Variants in SULT2A1 observed in about 807,000 individuals in gnomAD.
SULT2A1 encodes sulfotransferase family 2A member 1.
A neutral mutation model predicts 33.9 loss-of-function variants in SULT2A1; 43 were observed. The observed-to-expected ratio is 1.27, with a 90% confidence interval of 1.00 to 1.64. The LOEUF (loss-of-function observed/expected upper bound fraction) is 1.64, where lower values mean the gene tolerates loss of function less well. Ranked by LOEUF, SULT2A1 falls within the 40% of genes most tolerant of loss-of-function variation. The pLI, the probability that SULT2A1 is intolerant of heterozygous loss-of-function variation, is 0.00. For synonymous variants in SULT2A1, 125 were observed against 113.6 expected (o/e 1.10, Z -0.64); for missense variants, 300 against 335.1 (o/e 0.90, Z 0.82).
chr19:47,873,770 C>T lies in SULT2A1; in HGVS notation c.745+887G>A, dbSNP rs1473726189. On this transcript the variant is annotated intron_variant, in intron 5 of 5. Coordinates refer to ENST00000222002, the MANE Select transcript of SULT2A1 (RefSeq NM_003167.4). ...TCCCGAGTAGCTGGGACCACAGGCA[C>T]CCGCCACCATGCCCGGCTAATTTTT... is the stretch of plus-strand genomic sequence containing the variant. Among the ~76,000 whole-genome samples, 6 of 151,908 alleles carry T rather than the reference C, an allele frequency of 3.9e-5. No individual in the cohort carries two copies. The East Asian group carries it at 1.2e-3, about 30-fold the overall frequency.
intron 4 of SULT2A1, 66 bp downstream of exon 4, chr19:47,878,970 G>A (rs1278794183): frequency 3.1e-5 from 31 of 1,015,018 alleles, no homozygotes; most frequent in Non-Finnish European, 4.9e-5. Context: ...CGGGATGGAG[G>A]GAATTTAAGG....
In SULT2A1 at chr19:47,874,698, C is replaced by G. The variant is rs1392182520; in HGVS notation, c.704G>C (p.Ser235Thr). ...TGCTTTGTCCACTACATAATCAACA[C>G]TCAGGAGGGAATAATTGGACATCTT... ...ENKMSNYSLLSVDYVVDKAQL... is the reference protein window; with the variant it reads ...ENKMSNYSLLTVDYVVDKAQL... The change falls in exon 5 of 6, where the codon AGT becomes ACT. Residue 235 changes from serine to threonine, a missense_variant. By Grantham distance (58) the Ser-to-Thr change is moderately conservative. Transcript: ENST00000222002. 6.2e-7 allele frequency: 1 copy of G among 1,614,020 alleles called. No individual in the cohort carries two copies. Among genetic ancestry groups the G allele is most frequent in the South Asian group, 1.1e-5 (1 of 91,082 alleles).
chr19:47,881,269 C>G (rs1968600829), intron 3 of SULT2A1, among the ~76,000 whole-genome samples: 1 of 152,116 alleles, frequency 6.6e-6, no homozygotes, highest in Non-Finnish European at 1.5e-5. Context: ...CTCCTGACCC[C>G]AGGTGATCCA....
At chr19:47,880,011 C>T (rs1483371582) in intron 3 of SULT2A1, among the ~76,000 whole-genome samples, 10 of 151,450 alleles carry the variant, frequency 6.6e-5, no homozygotes, top group East Asian at 5.8e-4. Context: ...CCGAGGCGGG[C>T]GGATCACGAG....
chr19:47,883,864 T>C, intron 1 of SULT2A1, 79 bp from the exon 2 acceptor site: 1 of 1,363,858 alleles, frequency 7.3e-7, no homozygotes, highest in East Asian at 2.5e-5. Flanking sequence ...ATCCCAGCAC[T>C]TTGGGAGGCT....
chr19:47,875,824 G>A lies in SULT2A1; in HGVS notation c.568-990C>T, dbSNP rs1350746609. Among the ~76,000 whole-genome samples the A allele has an allele frequency of 7.2e-5, 11 of 152,210 alleles. No homozygotes were observed. The East Asian group carries it at 2.1e-3, about 29-fold the overall frequency. On this transcript the variant is annotated intron_variant, in intron 4 of 5. Coordinates refer to ENST00000222002, the MANE Select transcript of SULT2A1 (RefSeq NM_003167.4). ...ACAGTAATTAGGGTTAGCAAGGAGA[G>A]GTTCAGGGAGAATCTGATGGAGATT... is the stretch of plus-strand genomic sequence containing the variant.
intron 4 of SULT2A1, among the ~76,000 whole-genome samples, chr19:47,876,156 C>T (rs996686087): frequency 6.6e-6 from 1 of 152,178 alleles, no homozygotes; most frequent in Non-Finnish European, 1.5e-5. Context: ...GCTGGGGTTA[C>T]AGGCGTGCGC....
intron 1 of SULT2A1, among the ~76,000 whole-genome samples, chr19:47,884,098 C>T (rs944981646): frequency 4.1e-5 from 6 of 146,646 alleles, no homozygotes; most frequent in African/African-American, 5.0e-5. Context: ...GAGTGAGACT[C>T]AGTCTCAAAA....
chr19:47,882,023 G>A, intron 3 of SULT2A1, 61 bp downstream of exon 3: 1 of 1,595,636 alleles, frequency 6.3e-7, no homozygotes, highest in Admixed American at 1.8e-5. Context: ...ATGTGAGGCT[G>A]GGTGTCAAAA....
chr19:47,886,072 G>C (rs1421094327), intron 1 of SULT2A1, 50 bp downstream of exon 1: 1 of 1,598,800 alleles, frequency 6.3e-7, no homozygotes, highest in Admixed American at 1.7e-5. Flanking sequence ...GCACTGAATG[G>C]ACAGGAACAC....
At chr19:47,880,251 A>AAAC (rs1968590246) in intron 3 of SULT2A1, among the ~76,000 whole-genome samples, 1 of 150,558 alleles carries the variant, frequency 6.6e-6, no homozygotes, top group Non-Finnish European at 1.5e-5. Context: ...AAAAAAAAAA[A>AAAC]AAAAAAACCT....
intron 4 of SULT2A1, among the ~76,000 whole-genome samples, chr19:47,877,050 C>G (rs1462237175): frequency 2.1e-5 from 3 of 139,764 alleles, no homozygotes; most frequent in Non-Finnish European, 4.6e-5. Flanking sequence ...GCACTCCAGC[C>G]TGGGCGACAG....
At chr19:47,875,448 G>A (rs1968535070) in intron 4 of SULT2A1, among the ~76,000 whole-genome samples, 1 of 151,972 alleles carries the variant, frequency 6.6e-6, no homozygotes, top group Admixed American at 6.6e-5. Flanking sequence ...GACCAGCCTG[G>A]GCGATATAGT....
chr19:47,874,746 G>T lies in SULT2A1; in HGVS notation c.656C>A (p.Ser219Tyr), dbSNP rs1968526573. ...CTTGTTTTCTTTCATGCTCTGAAAG[G>T]AGCTGTTCTTGAGAATTAAGTTCAG... ...EELNLILKNS[S>Y]FQSMKENKMS... The change falls in exon 5 of 6, where the codon TCC (serine) becomes TAC (tyrosine). Residue 219 changes from serine (S) to tyrosine (Y), a missense_variant. By Grantham distance (144) the Ser-to-Tyr change is moderately radical (BLOSUM62 -2). Transcript: ENST00000222002. 11 of 1,613,852 alleles carry T rather than the reference G, an allele frequency of 6.8e-6. No individual in the cohort carries two copies. Among genetic ancestry groups the T allele is most frequent in the Non-Finnish European group, 9.3e-6 (11 of 1,179,778 alleles).
chr19:47,885,991 G>T, intron 1 of SULT2A1, 131 bp downstream of exon 1: 1 of 1,111,310 alleles, frequency 9.0e-7, no homozygotes, highest in Non-Finnish European at 1.3e-6. Flanking sequence ...GATTGTCAAT[G>T]GTATTAGGCA....
At position 47,883,841 on chromosome 19, in the gene SULT2A1, G is replaced by T. The variant is rs575883398; in HGVS notation, c.137-56C>A. 6.1e-4 allele frequency: 928 copies of T among 1,515,540 alleles called. 8 individuals carry two copies. The South Asian group carries it at 8.7e-3, about 14-fold the overall frequency. The allele number at this position is 1,515,540 out of a possible 1,614,324, so 93.9% of individuals were successfully genotyped here. A position where few individuals can be genotyped will look rare whatever the true frequency, so the allele number is the denominator to read the frequency against. On this transcript the variant is annotated intron_variant, in intron 1 of 5. Transcript: ENST00000222002. ...TGTACCATCTCAGCCGGACATGGTG[G>T]CTCACGCCTGTAATCCCAGCACTTT...
At position 47,886,238 on chromosome 19, in the gene SULT2A1, C is replaced by T. The variant is rs1350928234; in HGVS notation, c.20G>A (p.Trp7Ter). MSDDFL[W>*]FEGIAFPTMG... ...AGTAGGGAAAGCTATGCCTTCAAAC[C>T]ATAAGAAATCGTCCGACATGATGAT... The change falls in exon 1 of 6, where the codon TGG (tryptophan) becomes TAG (stop). Residue 7 changes from tryptophan (W) to a stop codon, truncating the protein, a stop_gained. Coordinates refer to ENST00000222002, the MANE Select transcript of SULT2A1 (RefSeq NM_003167.4). LOFTEE classifies it high-confidence loss of function. 1.2e-6 allele frequency: 2 copies of T among 1,613,906 alleles called. No individual in the cohort carries two copies. The highest frequency in any genetic ancestry group is 1.7e-5 in the Admixed American group (1 of 59,964).
At chr19:47,876,934 G>T (rs1282146967) in intron 4 of SULT2A1, among the ~76,000 whole-genome samples, 1 of 150,984 alleles carries the variant, frequency 6.6e-6, no homozygotes, top group African/African-American at 2.4e-5. Context: ...AAAATTAGCT[G>T]GGCATGGCGG....
intron 5 of SULT2A1, 58 bp from the exon 6 acceptor site, chr19:47,871,625 C>T: frequency 1.7e-6 from 2 of 1,150,164 alleles, no homozygotes; most frequent in Non-Finnish European, 1.3e-6. Context: ...CCTGTCTCCA[C>T]CAGGCACCTG....
Sources: allele counts gnomAD v4.1 joint callset (sites outside exome capture counted in the v4.1 genomes callset), GRCh38; gene constraint gnomAD v4.1.1; transcripts MANE v1.5; gene names NCBI Gene and HGNC (gene_info 2026-07-23, HGNC 2026-07-21).